PCDHGB1: variants seen among roughly 807,000 people sequenced by gnomAD.
The protein encoded by PCDHGB1 is protocadherin gamma subfamily B, 1.
In PCDHGB1, 34 loss-of-function variants were observed where a neutral mutation model predicts 56.6. That is an observed-to-expected ratio of 0.60 (90% CI 0.46 to 0.80). PCDHGB1 has a LOEUF of 0.80. Ranked by LOEUF, PCDHGB1 falls within the 30% of genes least tolerant of loss-of-function variation. The probability of loss-of-function intolerance (pLI) is 0.00; values close to 1 mark genes in which losing one functional copy is unlikely to be tolerated. For missense variants in PCDHGB1, 1,278 were observed against 1,204.6 expected (o/e 1.06, Z -0.90); for synonymous variants, 561 against 505.9 (o/e 1.11, Z -1.46).
chr5:141,484,230 G>A (rs1325484143), intron 1 of PCDHGB1, among the ~76,000 whole-genome samples: 2 of 152,174 alleles, frequency 1.3e-5, no homozygotes, highest in Non-Finnish European at 2.9e-5. Flanking sequence ...CAGGTAAAGA[G>A]ATCTGGTCCT....
In PCDHGB1 at chr5:141,432,887, T is replaced by G. The variant is rs146168033; in HGVS notation, c.2410-61920T>G. 2.8e-4 allele frequency: 451 copies of G among 1,614,156 alleles called. No individual in the cohort carries two copies. In the African/African-American group the frequency reaches 4.6e-3, roughly 17 times the overall value. ...CTGCGTCTTCCTGGCCTTCGTCATC[T>G]TGCTGCTGGCGCTCAGGCTGCGGCG... is the stretch of plus-strand genomic sequence containing the variant. On this transcript the variant is annotated intron_variant, in intron 1 of 3. Transcript: ENST00000523390. The surrounding 1 kb of genome is among the most constrained non-coding windows in gnomAD (Gnocchi z 6.0).
At chr5:141,418,851 G>A (rs778281594) in intron 1 of PCDHGB1, 9 of 1,613,906 alleles carry the variant, frequency 5.6e-6, no homozygotes, top group South Asian at 2.2e-5. Context: ...TCAACACGGT[G>A]TAAAGTAATT....
At chr5:141,421,069 AGATG>A in intron 1 of PCDHGB1, 1 of 598,532 alleles carries the variant, frequency 1.7e-6, no homozygotes, top group Non-Finnish European at 2.8e-6. Context: ...AAGCGGAATG[AGATG>A]GATACTCACA....
intron 1 of PCDHGB1, chr5:141,374,363 G>A: frequency 6.2e-7 from 1 of 1,614,034 alleles, no homozygotes; most frequent in Non-Finnish European, 8.5e-7. Context: ...AGACCGCGAG[G>A]AGCTCTGTGC....
At chr5:141,403,524 A>T in intron 1 of PCDHGB1, 1 of 1,613,890 alleles carries the variant, frequency 6.2e-7, no homozygotes. Context: ...GGAGCCATAA[A>T]CCCAGAGCTG....
At chr5:141,390,377 T>G in intron 1 of PCDHGB1, 9 of 1,463,992 alleles carry the variant, frequency 6.1e-6, no homozygotes, top group Non-Finnish European at 8.4e-6. Flanking sequence ...TATATAATTT[T>G]TAGATGTCAT....
intron 1 of PCDHGB1, chr5:141,384,854 C>T: frequency 6.2e-7 from 1 of 1,613,702 alleles, no homozygotes; most frequent in Non-Finnish European, 8.5e-7. Context: ...CACGGTCAGC[C>T]TCCTCTGTCA....
chr5:141,362,282 G>A (rs750712376), intron 1 of PCDHGB1: 1 of 1,614,038 alleles, frequency 6.2e-7, no homozygotes, highest in Non-Finnish European at 8.5e-7. Context: ...CTGCGCCTGC[G>A]ACTCTCTTCC....
At chr5:141,376,517 T>C (rs547172009) in intron 1 of PCDHGB1, 1 of 1,613,950 alleles carries the variant, frequency 6.2e-7, no homozygotes, top group East Asian at 2.2e-5. Flanking sequence ...GGTGAGTTTC[T>C]TTCCGCCTAA....
intron 1 of PCDHGB1, chr5:141,384,848 G>C (rs1373934020): frequency 1.2e-6 from 2 of 1,613,600 alleles, no homozygotes; most frequent in South Asian, 2.2e-5. Flanking sequence ...CAGGACCACG[G>C]TCAGCCTCCT....
intron 1 of PCDHGB1, chr5:141,374,306 TTC>T (rs1561562207): frequency 6.2e-7 from 1 of 1,613,958 alleles, no homozygotes. Context: ...GATGCAGCTT[TTC>T]TCTCTGAATC....
intron 1 of PCDHGB1, among the ~76,000 whole-genome samples, chr5:141,453,643 T>G (rs1267570786): frequency 2.6e-5 from 4 of 152,240 alleles, no homozygotes; most frequent in Non-Finnish European, 5.9e-5. Flanking sequence ...TATATTTTCT[T>G]ATGTCCTCTT....
intron 1 of PCDHGB1, among the ~76,000 whole-genome samples, chr5:141,469,684 T>C (rs1471928749): frequency 6.6e-6 from 1 of 152,256 alleles, no homozygotes; most frequent in Non-Finnish European, 1.5e-5. Flanking sequence ...ACATATGCAT[T>C]GGTCCTATGA....
chr5:141,356,483 G>C (rs2149791327), intron 1 of PCDHGB1: 1 of 1,613,938 alleles, frequency 6.2e-7, no homozygotes, highest in South Asian at 1.1e-5. Context: ...ACTGACCAGG[G>C]AACTCCTCCA....
In PCDHGB1 at chr5:141,489,189, C is replaced by A; in HGVS notation, c.2410-5618C>A. 1 of 1,341,534 alleles carries A rather than the reference C, an allele frequency of 7.5e-7. No homozygotes were observed. The highest frequency in any genetic ancestry group is 1.0e-6 in the Non-Finnish European group (1 of 975,280). 83.1% of individuals were successfully genotyped at this position (1,341,534 alleles called of 1,614,324 possible). A position where few individuals can be genotyped will look rare whatever the true frequency, so the allele number is the denominator to read the frequency against. On this transcript the variant is annotated intron_variant, in intron 1 of 3. Transcript: ENST00000523390. This position sits in a 1 kb window ranked among gnomAD's most constrained non-coding sequence, Gnocchi z 4.5. ...TGCTGCATTCCAAGCCCTGGGTCTA[C>A]CTTGGAGACAGGACAGCACAGACTT...
Position 141,511,178 on chromosome 5 carries a change from G to A in PCDHGB1, c.*5G>A. The A allele has an allele frequency of 6.2e-7, 1 of 1,614,090 alleles. No homozygotes were observed. Among genetic ancestry groups the A allele is most frequent in the South Asian group, 1.1e-5 (1 of 91,074 alleles). On this transcript the variant is annotated 3_prime_UTR_variant, in exon 4 of 4. Coordinates refer to ENST00000523390, the MANE Select transcript of PCDHGB1 (RefSeq NM_018922.3). ...GGCAAGAAGGAGAAGAAGTAACATG[G>A]AGGCCAGGCCAAGAGCCACAGGGCG...
intron 1 of PCDHGB1, among the ~76,000 whole-genome samples, chr5:141,400,828 A>G (rs2094080616): frequency 6.6e-6 from 1 of 152,184 alleles, no homozygotes. Context: ...TCGTTGTCTC[A>G]TTCTTTAACA....
Position 141,486,683 on chromosome 5 carries a change from G to C in PCDHGB1, c.2410-8124G>C, listed in dbSNP as rs1207359772. 6.2e-7 allele frequency: 1 copy of C among 1,613,974 alleles called. No individual in the cohort carries two copies. ...GGAGCCCAGGAATCGAGATGTATCA[G>C]CTTCCTCTTTCATCTCTCTGAACCC... On this transcript the variant is annotated intron_variant, in intron 1 of 3. Coordinates refer to ENST00000523390, the MANE Select transcript of PCDHGB1 (RefSeq NM_018922.3). This position sits in a 1 kb window ranked among gnomAD's most constrained non-coding sequence, Gnocchi z 5.0.
At chr5:141,377,625 G>GT (rs1774202160) in intron 1 of PCDHGB1, 1 of 150,730 alleles carries the variant, frequency 6.6e-6, no homozygotes, top group South Asian at 2.1e-4. Flanking sequence ...AAAAGATTTT[G>GT]TTTTTTCTCA....
Sources: gnomAD v4.1 joint callset for allele counts (sites outside exome capture counted in the v4.1 genomes callset) on GRCh38, gnomAD v4.1.1 for gene constraint, Gnocchi (gnomAD v3.1) non-coding constraint, MANE v1.5 for transcripts, NCBI Gene and HGNC (gene_info 2026-07-23, HGNC 2026-07-21) for gene names.